The following HPSE2 variants were observed in gnomAD, a reference collection of about 807,000 sequenced individuals.
HPSE2 encodes heparanase 2 (inactive).
Under a neutral mutation model 60.5 loss-of-function variants are expected in HPSE2, and 38 were observed. The observed-to-expected ratio is 0.63, with a 90% CI of 0.48 to 0.82. HPSE2 has a LOEUF of 0.82. Ranked by LOEUF, HPSE2 falls within the 40% of genes least tolerant of loss-of-function variation. The pLI is 0.00. For missense variants in HPSE2, 713 were observed against 740.4 expected (o/e 0.96, Z 0.43); for synonymous variants, 295 against 293.2 (o/e 1.01, Z -0.06).
At chr10:98,562,863 G>C (rs1196277963) in intron 9 of HPSE2, among the ~76,000 whole-genome samples, 1 of 151,876 alleles carries the variant, frequency 6.6e-6, no homozygotes, top group Non-Finnish European at 1.5e-5. Flanking sequence ...TGGATGGGTT[G>C]ATTTTTTTAT....
At chr10:98,619,482 T>G (rs1946013900) in intron 8 of HPSE2, among the ~76,000 whole-genome samples, 1 of 152,114 alleles carries the variant, frequency 6.6e-6, no homozygotes, top group South Asian at 2.1e-4. Flanking sequence ...TTCTCCAGAT[T>G]TTTTTTCTCT....
At chr10:99,283,356 AGGCTGG>A in the HPSE2 span, among the ~76,000 whole-genome samples, 3 of 151,584 alleles carry the variant, frequency 2.0e-5, no homozygotes, top group Non-Finnish European at 4.4e-5. Flanking sequence ...GAAAATCAAC[AGGCTGG>A]CTGCAGTGGC....
chr10:98,804,551 C>G (rs887333841), intron 3 of HPSE2, among the ~76,000 whole-genome samples: 1 of 152,120 alleles, frequency 6.6e-6, no homozygotes, highest in Non-Finnish European at 1.5e-5. Flanking sequence ...CATTGATCAT[C>G]AGAGAAATGC....
chr10:99,206,083 G>A (rs1204959500), intron 2 of HPSE2, among the ~76,000 whole-genome samples: 2 of 152,286 alleles, frequency 1.3e-5, no homozygotes, highest in South Asian at 4.1e-4. Flanking sequence ...ACATACTGTA[G>A]GTTGAGGTCT....
intron 3 of HPSE2, among the ~76,000 whole-genome samples, chr10:98,768,710 T>C (rs1276266094): frequency 6.6e-6 from 1 of 152,218 alleles, no homozygotes; most frequent in Non-Finnish European, 1.5e-5. Context: ...GGACAAATCA[T>C]TTAACTCTAT....
intron 3 of HPSE2, among the ~76,000 whole-genome samples, chr10:98,853,791 G>A (rs372234115): frequency 2.6e-5 from 4 of 152,122 alleles, no homozygotes; most frequent in Non-Finnish European, 5.9e-5. Flanking sequence ...GTGGCCTTTT[G>A]AGCCAGTCAT....
the HPSE2 span, among the ~76,000 whole-genome samples, chr10:99,286,542 C>T: frequency 3.0e-4 from 46 of 151,752 alleles, no homozygotes; most frequent in East Asian, 4.1e-3. Flanking sequence ...GGAAAGTGGG[C>T]GATGAGGGTT....
At chr10:98,765,548 A>G (rs1950100211) in intron 3 of HPSE2, among the ~76,000 whole-genome samples, 1 of 152,182 alleles carries the variant, frequency 6.6e-6, no homozygotes, top group East Asian at 1.9e-4. Flanking sequence ...GCTCTTATTT[A>G]AAATGAAGAG....
chr10:98,588,512 T>A (rs1944999280), intron 9 of HPSE2, among the ~76,000 whole-genome samples: 1 of 152,108 alleles, frequency 6.6e-6, no homozygotes, highest in Admixed American at 6.5e-5. Context: ...CGGCCTTTGC[T>A]TTCCTGCAGG....
In HPSE2 at chr10:98,948,360, G is replaced by A. The variant is rs376732539; in HGVS notation, c.610+195878C>T. Reference sequence around the variant, plus strand: ...TCTTAGAGAAAATTCAAATGCTAATGGACACCACACAAGAGGAATTAACAG... The same window carrying A: ...TCTTAGAGAAAATTCAAATGCTAATAGACACCACACAAGAGGAATTAACAG... On this transcript the variant is annotated intron_variant, in intron 3 of 11. Coordinates refer to ENST00000370552, the MANE Select transcript of HPSE2 (RefSeq NM_021828.5). 2.0e-5 allele frequency among the ~76,000 whole-genome samples: 3 copies of A among 152,190 alleles called. No individual in the cohort carries two copies. In the South Asian group the frequency reaches 6.2e-4, roughly 32 times the overall value.
chr10:99,212,988 T>C (rs77759035), intron 2 of HPSE2, among the ~76,000 whole-genome samples: 6,886 of 152,228 alleles, frequency 0.045, 214 homozygotes, highest in Non-Finnish European at 0.07. Context: ...TTAGGGCCAT[T>C]GACTTCAATA....
intron 3 of HPSE2, among the ~76,000 whole-genome samples, chr10:98,859,076 G>C (rs947002842): frequency 6.6e-6 from 1 of 152,100 alleles, no homozygotes; most frequent in East Asian, 1.9e-4. Flanking sequence ...CCATAGGTGC[G>C]TTTCACTGTG....
intron 9 of HPSE2, among the ~76,000 whole-genome samples, chr10:98,509,494 T>C (rs1435182534): frequency 1.3e-5 from 2 of 151,948 alleles, no homozygotes; most frequent in Non-Finnish European, 2.9e-5. Flanking sequence ...ACAGGATTCA[T>C]AGCTTTTTTT....
At chr10:98,921,668 TG>T (rs1466096124) in intron 3 of HPSE2, among the ~76,000 whole-genome samples, 1 of 152,334 alleles carries the variant, frequency 6.6e-6, no homozygotes, top group African/African-American at 2.4e-5. Context: ...CATACTCCTT[TG>T]CCCAACTGTG....
At chr10:98,917,714 G>A (rs1954160400) in intron 3 of HPSE2, among the ~76,000 whole-genome samples, 1 of 152,114 alleles carries the variant, frequency 6.6e-6, no homozygotes, top group Non-Finnish European at 1.5e-5. Flanking sequence ...ACCACTGTAA[G>A]CTGAACGATG....
chr10:99,083,972 T>C, intron 3 of HPSE2, among the ~76,000 whole-genome samples: 1 of 146,640 alleles, frequency 6.8e-6, no homozygotes, highest in African/African-American at 2.6e-5. Context: ...AAGCCTTTTT[T>C]TTTTTTTTTT....
chr10:98,797,639 C>T (rs1021636721), intron 3 of HPSE2, among the ~76,000 whole-genome samples: 2 of 151,838 alleles, frequency 1.3e-5, no homozygotes, highest in African/African-American at 2.4e-5. Context: ...ATCAGGCGAT[C>T]AAGACCATCC....
chr10:99,131,114 A>C (rs1845366633), intron 3 of HPSE2, among the ~76,000 whole-genome samples: 1 of 152,236 alleles, frequency 6.6e-6, no homozygotes, highest in Non-Finnish European at 1.5e-5. Context: ...TAGATACAGA[A>C]AAAGCAGCTG....
chr10:99,107,966 C>A, intron 3 of HPSE2, among the ~76,000 whole-genome samples: 1 of 152,004 alleles, frequency 6.6e-6, no homozygotes, highest in Middle Eastern at 3.4e-3. Context: ...GTAAGGAGAC[C>A]TTTTAACAGC....
Sources: allele counts gnomAD v4.1 joint callset (sites outside exome capture counted in the v4.1 genomes callset), GRCh38; gene constraint gnomAD v4.1.1; transcripts MANE v1.5; gene names NCBI Gene and HGNC (gene_info 2026-07-23, HGNC 2026-07-21).